Variants in MCF2L2 observed in about 807,000 individuals in gnomAD.
The protein encoded by MCF2L2 is MCF.2 cell line derived transforming sequence-like 2.
In MCF2L2, 102 loss-of-function variants were observed where a neutral mutation model predicts 150.2. The observed-to-expected ratio is 0.68, with a 90% CI of 0.58 to 0.80. The LOEUF is 0.80. MCF2L2 is among the 30% of genes least tolerant of loss of function. MCF2L2 has a pLI of 0.00. For missense variants in MCF2L2, 1,256 were observed against 1,372.8 expected (o/e 0.91, Z 1.34); for synonymous variants, 465 against 491.3 (o/e 0.95, Z 0.71).
At chr3:183,315,201 A>C (rs939581393) in intron 7 of MCF2L2, among the ~76,000 whole-genome samples, 7 of 151,662 alleles carry the variant, frequency 4.6e-5, no homozygotes, top group Non-Finnish European at 4.4e-5. Context: ...GGCCTCCCAA[A>C]GTGCTGGGAC....
At chr3:183,261,563 C>T (rs1725587138) in intron 15 of MCF2L2, among the ~76,000 whole-genome samples, 2 of 152,114 alleles carry the variant, frequency 1.3e-5, no homozygotes, top group African/African-American at 2.4e-5. Context: ...ACTTTCTAAG[C>T]ATATCACTTT....
At position 183,283,858 on chromosome 3, in the gene MCF2L2, C is replaced by T. The variant is rs114895759; in HGVS notation, c.1776+5262G>A. On this transcript the variant is annotated intron_variant, in intron 14 of 29. Coordinates refer to ENST00000328913, the MANE Select transcript of MCF2L2 (RefSeq NM_015078.4). The surrounding 1 kb of genome is among the most constrained non-coding windows in gnomAD (Gnocchi z 4.2). ...TTAGAGTTGAATTCAAATGCCACCT[C>T]CTTTGAAAGCCATCCTTGATGTCCT... Among the ~76,000 whole-genome samples, 3,021 of 152,266 alleles carry T rather than the reference C, an allele frequency of 0.02. 60 individuals are homozygous for T. Among genetic ancestry groups the T allele is most frequent in the East Asian group, 0.052 (271 of 5,182 alleles).
intron 5 of MCF2L2, among the ~76,000 whole-genome samples, chr3:183,331,199 T>C (rs1458994241): frequency 1.3e-5 from 2 of 152,192 alleles, no homozygotes; most frequent in South Asian, 4.1e-4. Flanking sequence ...CAGGAGTTAT[T>C]CAAACTAGTC....
At chr3:183,414,329 C>T (rs73184978) in intron 1 of MCF2L2, among the ~76,000 whole-genome samples, 15,392 of 152,156 alleles carry the variant, frequency 0.1, 849 homozygotes, top group African/African-American at 0.15. Flanking sequence ...TTTTAGGAAT[C>T]TGTCCATTTC....
At chr3:183,220,086 A>C (rs41365048) in intron 20 of MCF2L2, among the ~76,000 whole-genome samples, 162 bp from the exon 21 acceptor site, 2 of 152,272 alleles carry the variant, frequency 1.3e-5, no homozygotes, top group African/African-American at 4.8e-5. Flanking sequence ...TGTATTTGGC[A>C]CAGGGTCCTT....
chr3:183,339,370 C>A (rs1360158194), intron 4 of MCF2L2, among the ~76,000 whole-genome samples: 3 of 152,026 alleles, frequency 2.0e-5, no homozygotes, highest in African/African-American at 4.8e-5. Context: ...ATACCATAGG[C>A]TTTTATTCCT....
chr3:183,395,221 C>A (rs1422027188), intron 1 of MCF2L2, among the ~76,000 whole-genome samples: 1 of 151,988 alleles, frequency 6.6e-6, no homozygotes, highest in East Asian at 1.9e-4. Context: ...ATGTTTTTAC[C>A]AGAGTGAAAA....
intron 1 of MCF2L2, among the ~76,000 whole-genome samples, chr3:183,403,907 C>T (rs1362971812): frequency 2.0e-5 from 3 of 151,912 alleles, no homozygotes; most frequent in South Asian, 4.2e-4. Flanking sequence ...TATCTTGAAA[C>T]GGACAGGGGG....
At chr3:183,316,739 T>C (rs772701294) in intron 7 of MCF2L2, among the ~76,000 whole-genome samples, 1 of 152,006 alleles carries the variant, frequency 6.6e-6, no homozygotes, top group Non-Finnish European at 1.5e-5. Flanking sequence ...GGAGTCTCGC[T>C]CTGTCACCCA....
At chr3:183,417,692 T>C (rs746843045) in intron 1 of MCF2L2, among the ~76,000 whole-genome samples, 3 of 152,196 alleles carry the variant, frequency 2.0e-5, no homozygotes, top group Non-Finnish European at 4.4e-5. Context: ...TTCTTAAAGA[T>C]ACTATGTTAG....
rs112542969 is a variant in MCF2L2, at chr3:183,281,338, C to T, written c.1777-4381G>A. ...GCTCTGTCTTCCTCTCCAGAACTGACGGGCAAAAGAGGGGGAACCTCACCT... is the reference window on the plus strand; with the variant it reads ...GCTCTGTCTTCCTCTCCAGAACTGATGGGCAAAAGAGGGGGAACCTCACCT... On this transcript the variant is annotated intron_variant, in intron 14 of 29. Transcript: ENST00000328913. 4.6e-3 allele frequency among the ~76,000 whole-genome samples: 674 copies of T among 147,766 alleles called. 1 individual carries two copies. Among genetic ancestry groups the T allele is most frequent in the African/African-American group, 0.016 (647 of 39,836 alleles).
At chr3:183,322,255 A>G (rs1401788421) in intron 6 of MCF2L2, among the ~76,000 whole-genome samples, 1 of 152,222 alleles carries the variant, frequency 6.6e-6, no homozygotes. Flanking sequence ...AAAATACTAT[A>G]TATCAGGTGC....
intron 3 of MCF2L2, among the ~76,000 whole-genome samples, chr3:183,371,703 C>T (rs144055458): frequency 0.11 from 17,322 of 151,034 alleles, 1,142 homozygotes; most frequent in East Asian, 0.25. Flanking sequence ...TTCTTGAACT[C>T]CTGACCTCAA....
rs1730591330 is a variant in MCF2L2, at chr3:183,338,801, G to A, written c.485C>T (p.Pro162Leu). The change falls in exon 5 of 30, where the codon CCG (proline) becomes CTG (leucine). Residue 162 changes from proline to leucine, a missense_variant and splice_region_variant. Pro to Leu is a moderately conservative substitution (Grantham distance 98, BLOSUM62 -3). Coordinates refer to ENST00000328913, the MANE Select transcript of MCF2L2 (RefSeq NM_015078.4). ...GACAAGATGAAAGGTCTTGCTTACC[G>A]GCACTTTCGTTTTAAACTCATTTCG... ...YYRNEFKTKV[P>L]IIMVNSVSDL... 3.1e-6 allele frequency: 5 copies of A among 1,595,588 alleles called. No homozygotes were observed. The highest frequency in any genetic ancestry group is 2.7e-5 in the African/African-American group (2 of 74,602).
chr3:183,384,448 A>G (rs1431273274), intron 2 of MCF2L2, among the ~76,000 whole-genome samples: 2 of 152,198 alleles, frequency 1.3e-5, no homozygotes, highest in Non-Finnish European at 2.9e-5. Context: ...TGCTCCTAAG[A>G]TCAGTGCTTG....
intron 5 of MCF2L2, among the ~76,000 whole-genome samples, chr3:183,324,706 C>A (rs1174633880): frequency 6.6e-6 from 1 of 151,870 alleles, no homozygotes; most frequent in Non-Finnish European, 1.5e-5. Flanking sequence ...GCACTCCAGA[C>A]TGGGTGATAG....
Position 183,426,010 on chromosome 3 carries a change from A to T in MCF2L2, c.76+1892T>A, listed in dbSNP as rs1716146694. 2.0e-5 allele frequency among the ~76,000 whole-genome samples: 3 copies of T among 152,186 alleles called. No individual in the cohort carries two copies. The South Asian group carries it at 6.2e-4, about 32-fold the overall frequency. ...CTGAGTCAATTCCTTCATTTGTAAA[A>T]TAGGGGTAGTAATGAGTACCCCACC... On this transcript the variant is annotated intron_variant, in intron 1 of 29. Transcript: ENST00000328913.
chr3:183,195,333 TA>T, intron 25 of MCF2L2, 78 bp from the exon 26 acceptor site: 1 of 902,662 alleles, frequency 1.1e-6, no homozygotes, highest in Middle Eastern at 2.3e-4. Context: ...GATTTTTAAA[TA>T]CACATATATG....
intron 1 of MCF2L2, among the ~76,000 whole-genome samples, chr3:183,392,396 G>A (rs1227564801): frequency 6.6e-6 from 1 of 152,282 alleles, no homozygotes; most frequent in East Asian, 1.9e-4. Flanking sequence ...GCAACCCTGA[G>A]AGGCTGACTA....
Sources: gnomAD v4.1 joint callset for allele counts (sites outside exome capture counted in the v4.1 genomes callset) on GRCh38, gnomAD v4.1.1 for gene constraint, Gnocchi (gnomAD v3.1) non-coding constraint, MANE v1.5 for transcripts, NCBI Gene and HGNC (gene_info 2026-07-23, HGNC 2026-07-21) for gene names.